Variants in PHACTR1 observed in about 807,000 individuals in gnomAD.
The protein encoded by PHACTR1 is RPEL repeat containing 1.
PHACTR1 carries 16 observed loss-of-function variants against 69.2 expected under a neutral mutation model. The observed-to-expected ratio is 0.23, with a 90% CI of 0.16 to 0.35. The LOEUF (loss-of-function observed/expected upper bound fraction) is 0.35. Among genes scored for constraint, PHACTR1 ranks in the 10% least tolerant of loss-of-function variants. The probability of loss-of-function intolerance (pLI) is 1.00; values close to 1 mark genes in which losing one functional copy is unlikely to be tolerated. For missense variants in PHACTR1, 510 were observed against 734.7 expected, an observed-to-expected ratio of 0.69 and a Z score of 3.54; for synonymous variants, 312 against 284.5, an observed-to-expected ratio of 1.10 and a Z score of -0.97.
chr6:12,966,649 T>A (rs1222547147), intron 4 of PHACTR1, among the ~76,000 whole-genome samples: 1 of 152,228 alleles, frequency 6.6e-6, no homozygotes, highest in Non-Finnish European at 1.5e-5. Flanking sequence ...AGGTTGTTCT[T>A]CTCTTCTGGC....
intron 5 of PHACTR1, among the ~76,000 whole-genome samples, chr6:13,153,963 G>A (rs530438335): frequency 6.6e-6 from 1 of 151,798 alleles, no homozygotes; most frequent in South Asian, 2.1e-4. Context: ...GCTATTACAG[G>A]CATTTTTCTT....
At chr6:12,916,677 T>C (rs1787046067) in intron 4 of PHACTR1, among the ~76,000 whole-genome samples, 1 of 152,098 alleles carries the variant, frequency 6.6e-6, no homozygotes, top group African/African-American at 2.4e-5. Context: ...TTGCCATGTC[T>C]CTGCAGTTGG....
intron 4 of PHACTR1, among the ~76,000 whole-genome samples, chr6:13,047,423 G>A (rs1020519818): frequency 2.0e-5 from 3 of 148,742 alleles, no homozygotes; most frequent in African/African-American, 2.5e-5. Context: ...CTGCTTCAGC[G>A]TAGTGAGCTG....
intron 7 of PHACTR1, among the ~76,000 whole-genome samples, chr6:13,199,156 G>A (rs910907220): frequency 6.6e-6 from 1 of 152,182 alleles, no homozygotes; most frequent in African/African-American, 2.4e-5. Context: ...GGGAGGCCAA[G>A]GCAGGTGGAT....
At chr6:12,742,921 A>G (rs1427855264) in intron 3 of PHACTR1, among the ~76,000 whole-genome samples, 2 of 152,190 alleles carry the variant, frequency 1.3e-5, no homozygotes, top group Admixed American at 1.3e-4. Flanking sequence ...TGGCATTCCT[A>G]CACAAAGAGT....
At chr6:13,064,547 G>GAT (rs1195089569) in intron 5 of PHACTR1, among the ~76,000 whole-genome samples, 14 of 70,210 alleles carry the variant, frequency 2.0e-4, no homozygotes, top group Non-Finnish European at 3.9e-4. Flanking sequence ...GAAGGGAAAA[G>GAT]ATATATATAT....
chr6:12,983,342 T>A (rs1311182101), intron 4 of PHACTR1, among the ~76,000 whole-genome samples: 1 of 152,172 alleles, frequency 6.6e-6, no homozygotes, highest in Non-Finnish European at 1.5e-5. Context: ...GGAGGTGGCA[T>A]TTAACCTGGG....
intron 7 of PHACTR1, among the ~76,000 whole-genome samples, chr6:13,204,645 C>T (rs951117349): frequency 6.6e-6 from 1 of 152,196 alleles, no homozygotes; most frequent in Non-Finnish European, 1.5e-5. Flanking sequence ...TTCCAGCAGC[C>T]TGGAATCCCC....
intron 4 of PHACTR1, among the ~76,000 whole-genome samples, chr6:12,857,780 C>G (rs1346679145): frequency 6.6e-6 from 1 of 152,086 alleles, no homozygotes; most frequent in East Asian, 1.9e-4. Flanking sequence ...TAATGTCTCC[C>G]AGTACTAGTA....
chr6:12,921,713 ATGAAGAAGG>A, intron 4 of PHACTR1, among the ~76,000 whole-genome samples: 1 of 127,184 alleles, frequency 7.9e-6, no homozygotes, highest in African/African-American at 3.0e-5. Flanking sequence ...AGGAGAAGGA[ATGAAGAAGG>A]GAAGGAAGGA....
chr6:13,194,499 CTG>C (rs1764094066), intron 7 of PHACTR1, among the ~76,000 whole-genome samples: 1 of 150,658 alleles, frequency 6.6e-6, no homozygotes, highest in African/African-American at 2.4e-5. Flanking sequence ...AAAAAACTAA[CTG>C]AATTACATGC....
intron 4 of PHACTR1, among the ~76,000 whole-genome samples, chr6:12,851,206 C>T (rs1413064958): frequency 6.6e-6 from 1 of 152,022 alleles, no homozygotes; most frequent in Non-Finnish European, 1.5e-5. Context: ...AAGAATTGTA[C>T]CAGGGAAGTG....
chr6:12,719,515 T>C (rs1761837683), intron 3 of PHACTR1, among the ~76,000 whole-genome samples: 1 of 152,186 alleles, frequency 6.6e-6, no homozygotes, highest in South Asian at 2.1e-4. Context: ...GGAGATTTTT[T>C]TTTTCACATA....
intron 8 of PHACTR1, among the ~76,000 whole-genome samples, chr6:13,212,832 C>T (rs900590648): frequency 6.6e-6 from 1 of 152,188 alleles, no homozygotes; most frequent in Non-Finnish European, 1.5e-5. Context: ...TCACCTGCCT[C>T]GGGTCTCTAC....
chr6:12,741,934 C>T (rs943279907), intron 3 of PHACTR1, among the ~76,000 whole-genome samples: 2 of 152,042 alleles, frequency 1.3e-5, no homozygotes, highest in Non-Finnish European at 2.9e-5. Context: ...TAATCTTTTT[C>T]AGTAATGTTT....
intron 7 of PHACTR1, among the ~76,000 whole-genome samples, chr6:13,191,289 A>G (rs1240976471): frequency 1.3e-5 from 2 of 152,192 alleles, no homozygotes; most frequent in Non-Finnish European, 2.9e-5. Context: ...GTAACTGATA[A>G]TTTGAAGGTG....
chr6:13,061,795 G>A (rs1807718040), intron 5 of PHACTR1, among the ~76,000 whole-genome samples: 1 of 152,074 alleles, frequency 6.6e-6, no homozygotes, highest in Non-Finnish European at 1.5e-5. Context: ...GATATTTTCT[G>A]GGAAAAATTT....
At chr6:13,160,786 T>G (rs751361427) in intron 6 of PHACTR1, among the ~76,000 whole-genome samples, 8 of 152,196 alleles carry the variant, frequency 5.3e-5, no homozygotes, top group Non-Finnish European at 8.8e-5. Flanking sequence ...GACTGTACAT[T>G]TAAGATATTG....
At position 13,286,082 on chromosome 6, in the gene PHACTR1, C is replaced by A. The variant is rs1781638637; in HGVS notation, c.1651-64C>A. The stretch of plus-strand genomic sequence containing the variant: ...AGAAAAATATGTTGTTAGGAATGAA[C>A]TGAAAGGGGAGTTTTTTTCTGTCTC... On this transcript the variant is annotated intron_variant, in intron 13 of 14. Coordinates refer to ENST00000332995, the MANE Select transcript of PHACTR1 (RefSeq NM_030948.6). The A allele has an allele frequency of 5.1e-6, 7 of 1,362,290 alleles. No homozygotes were observed. The East Asian group carries it at 1.7e-4, about 34-fold the overall frequency. The allele number at this position is 1,362,290 out of a possible 1,614,324, so 84.4% of individuals were successfully genotyped here.
Sources: gnomAD v4.1 joint callset for allele counts (sites outside exome capture counted in the v4.1 genomes callset) on GRCh38, gnomAD v4.1.1 for gene constraint, MANE v1.5 for transcripts, NCBI Gene and HGNC (gene_info 2026-07-23, HGNC 2026-07-21) for gene names.